GPR83: variants seen among roughly 807,000 people sequenced by gnomAD.
GPR83 encodes G protein-coupled receptor 83, also known as G-protein coupled receptor 72.
In GPR83, 23 loss-of-function variants were observed where a neutral mutation model predicts 28.0. The ratio of observed to expected loss-of-function variants is 0.82; its 90% CI spans 0.59 to 1.16. GPR83 has a LOEUF of 1.16. Among genes scored for constraint, GPR83 ranks in the 50% most tolerant of loss-of-function variants. The pLI, the probability that GPR83 is intolerant of heterozygous loss-of-function variation, is 0.00. For missense variants in GPR83, 610 were observed against 536.6 expected (o/e 1.14, Z -1.35); for synonymous variants, 234 against 215.4 (o/e 1.09, Z -0.76).
intron 3 of GPR83, among the ~76,000 whole-genome samples, chr11:94,390,770 T>C (rs1036466517): frequency 7.2e-5 from 11 of 152,124 alleles, no homozygotes; most frequent in African/African-American, 2.7e-4. Flanking sequence ...TTACAAGAGA[T>C]GTGAAGGACC....
At chr11:94,400,737 A>G (rs184702978) in intron 1 of GPR83, 124 bp downstream of exon 1, 2 of 754,322 alleles carry the variant, frequency 2.7e-6, no homozygotes, top group Non-Finnish European at 2.2e-6. Flanking sequence ...GAGGAGGAAG[A>G]GAGATGTGGA....
chr11:94,388,030 C>A (rs190596093), intron 3 of GPR83, among the ~76,000 whole-genome samples: 4 of 152,298 alleles, frequency 2.6e-5, no homozygotes, highest in Admixed American at 2.6e-4. Context: ...ATATACAAAT[C>A]AATAAACGTA....
Position 94,401,216 on chromosome 11 carries a change from A to C in GPR83, c.32T>G (p.Leu11Arg), listed in dbSNP as rs759640566. The change falls in exon 1 of 4, where the codon CTC (leucine) becomes CGC (arginine). Residue 11 changes from leucine to arginine, a missense_variant. Coordinates refer to ENST00000243673, the MANE Select transcript of GPR83 (RefSeq NM_016540.4). The stretch of plus-strand genomic sequence containing the variant: ...GGGCTCGGTGGCTCGCACCAAGGGG[A>C]GGAGACAGAGCAGCAAGAGGTGAGG... MVPHLLLLCL[L>R]PLVRATEPHE... 2.5e-6 allele frequency: 4 copies of C among 1,611,716 alleles called. 1 individual carries two copies. The South Asian group carries it at 4.4e-5, about 18-fold the overall frequency.
At chr11:94,384,741 C>T (rs533525730) in intron 3 of GPR83, among the ~76,000 whole-genome samples, 156 of 152,356 alleles carry the variant, frequency 1.0e-3, no homozygotes, top group African/African-American at 3.5e-3. Context: ...CTCAAGGAGG[C>T]CTGCCTCCCT....
chr11:94,401,227 C>A lies in GPR83; in HGVS notation c.21G>T (p.Leu7=). Residue 7 remains leucine, a synonymous_variant, in exon 1 of 4, where the codon CTG becomes CTT. Transcript: ENST00000243673. MVPHLL[L]LCLLPLVRAT... is the part of the protein sequence containing the mutation. ...CTCGCACCAAGGGGAGGAGACAGAGCAGCAAGAGGTGAGGGACCATTTTGC... is the reference window on the plus strand; with the variant it reads ...CTCGCACCAAGGGGAGGAGACAGAGAAGCAAGAGGTGAGGGACCATTTTGC... 1.2e-6 allele frequency: 2 copies of A among 1,609,608 alleles called. No homozygotes were observed. Among genetic ancestry groups the A allele is most frequent in the Non-Finnish European group, 1.7e-6 (2 of 1,178,278 alleles).
intron 3 of GPR83, among the ~76,000 whole-genome samples, chr11:94,387,578 A>G (rs190041173): frequency 8.1e-4 from 124 of 152,362 alleles, no homozygotes; most frequent in African/African-American, 2.8e-3. Context: ...GAAAATCTGG[A>G]AGAAATGGAT....
intron 3 of GPR83, among the ~76,000 whole-genome samples, chr11:94,382,340 T>C (rs1356861258): frequency 2.0e-5 from 1 of 50,122 alleles, no homozygotes; most frequent in African/African-American, 9.9e-5. Context: ...TGAAACACCA[T>C]CTCAAAAAAA....
At chr11:94,395,406 C>T (rs1040947052) in intron 2 of GPR83, among the ~76,000 whole-genome samples, 3 of 152,160 alleles carry the variant, frequency 2.0e-5, no homozygotes, top group Admixed American at 6.5e-5. Context: ...ATAATACTGG[C>T]CTTGTAGATT....
At chr11:94,388,504 TCA>T (rs1565186209) in intron 3 of GPR83, among the ~76,000 whole-genome samples, 1 of 152,058 alleles carries the variant, frequency 6.6e-6, no homozygotes, top group Non-Finnish European at 1.5e-5. Context: ...TGTGCAAAAA[TCA>T]CAAGCATTCT....
intron 2 of GPR83, among the ~76,000 whole-genome samples, chr11:94,395,140 T>G (rs1346221562): frequency 2.0e-5 from 3 of 152,212 alleles, no homozygotes; most frequent in Non-Finnish European, 2.9e-5. Flanking sequence ...TCCCATTCCT[T>G]ACCAGATGCT....
chr11:94,378,460 A>G lies in GPR83; in HGVS notation c.*1689T>C, dbSNP rs980663036. 1 of 152,226 alleles carries G rather than the reference A, an allele frequency of 6.6e-6. No homozygotes were observed. The highest frequency in any genetic ancestry group is 1.5e-5 in the Non-Finnish European group (1 of 68,042). 9.4% of individuals were successfully genotyped at this position (152,226 alleles called of 1,614,324 possible). On this transcript the variant is annotated 3_prime_UTR_variant, in exon 4 of 4. Coordinates refer to ENST00000243673, the MANE Select transcript of GPR83 (RefSeq NM_016540.4). Reference sequence around the variant, plus strand: ...TGAATTAAGCTCGATTCTGCCTGACAGGTCTCTTTTCTGGGTGACACAGTG... The same window carrying G: ...TGAATTAAGCTCGATTCTGCCTGACGGGTCTCTTTTCTGGGTGACACAGTG...
chr11:94,395,296 C>T (rs1449117227), intron 2 of GPR83, among the ~76,000 whole-genome samples: 2 of 152,216 alleles, frequency 1.3e-5, no homozygotes, highest in African/African-American at 2.4e-5. Flanking sequence ...TGGACTGTAT[C>T]TTTGAATCTG....
At chr11:94,385,486 T>C (rs11499661) in intron 3 of GPR83, among the ~76,000 whole-genome samples, 368 of 152,172 alleles carry the variant, frequency 2.4e-3, no homozygotes, top group African/African-American at 7.7e-3. Flanking sequence ...GAATAACCAA[T>C]GCTGAGAAGT....
rs1319230801 is a variant in GPR83, at chr11:94,377,748, A to G, written c.*2401T>C. 3 of 152,214 alleles carry G rather than the reference A, an allele frequency of 2.0e-5. No individual in the cohort carries two copies. The highest frequency in any genetic ancestry group is 7.2e-5 in the African/African-American group (3 of 41,448). The allele number at this position is 152,214 out of a possible 1,614,324, so 9.4% of individuals were successfully genotyped here. On this transcript the variant is annotated 3_prime_UTR_variant, in exon 4 of 4. Transcript: ENST00000243673. ...AAATGATTTTTCCCAGCTGTAGGCT[A>G]ATATAAGTGTTCTCAGAGCATTTAA...
rs1944675923 is a variant in GPR83 at position 94,380,535 on chromosome 11, GCATCAA to G, written c.880_885del (p.Met295_Leu296del). The G allele has an allele frequency of 1.9e-6, 3 of 1,614,056 alleles. No individual in the cohort carries two copies. Among genetic ancestry groups the G allele is most frequent in the African/African-American group, 1.3e-5 (1 of 74,938 alleles). ...CAGAGGGCAAAGAGGACTACCACCA[GCATCAA>G]CATCTTGATGGTCTTCTTCTTTTTG... On this transcript the variant is annotated inframe_deletion, in exon 4 of 4. Transcript: ENST00000243673.
intron 3 of GPR83, among the ~76,000 whole-genome samples, chr11:94,385,004 A>G (rs1944736410): frequency 6.6e-6 from 1 of 152,220 alleles, no homozygotes; most frequent in Non-Finnish European, 1.5e-5. Flanking sequence ...CAAAACTTCC[A>G]GAGGAACTGA....
At chr11:94,382,748 T>C (rs1171907544) in intron 3 of GPR83, among the ~76,000 whole-genome samples, 5 of 152,130 alleles carry the variant, frequency 3.3e-5, no homozygotes, top group Non-Finnish European at 4.4e-5. Context: ...CAGTACCTCA[T>C]CACACTTATT....
At chr11:94,381,558 A>AGTGAGTGT (rs1554991068) in intron 3 of GPR83, among the ~76,000 whole-genome samples, 2 of 148,054 alleles carry the variant, frequency 1.4e-5, no homozygotes, top group Admixed American at 1.4e-4. Context: ...GGAGTGAGTG[A>AGTGAGTGT]GTGTGTGTGT....
intron 3 of GPR83, among the ~76,000 whole-genome samples, chr11:94,381,554 A>AGTGTGTGTGTGT (rs1174732142): frequency 6.6e-5 from 2 of 30,154 alleles, no homozygotes; most frequent in South Asian, 5.0e-3. Context: ...CACAGGAGTG[A>AGTGTGTGTGTGT]GTGAGTGTGT....
Sources: allele counts gnomAD v4.1 joint callset (sites outside exome capture counted in the v4.1 genomes callset), GRCh38; gene constraint gnomAD v4.1.1; transcripts MANE v1.5; gene names NCBI Gene and HGNC (gene_info 2026-07-23, HGNC 2026-07-21).